The following ARRB1 variants were observed in gnomAD, a reference collection of about 807,000 sequenced individuals.
The protein encoded by ARRB1 is arrestin beta 1.
In ARRB1, 21 loss-of-function variants were observed where a neutral mutation model predicts 56.8. The ratio of observed to expected loss-of-function variants is 0.37; its 90% CI spans 0.26 to 0.53. The LOEUF is 0.53. Among genes scored for constraint, ARRB1 ranks in the 20% least tolerant of loss-of-function variants. The pLI is 0.88. For synonymous variants in ARRB1, 210 were observed against 218.6 expected (o/e 0.96, Z 0.35); for missense variants, 424 against 553.7 (o/e 0.77, Z 2.35).
At chr11:75,299,508 A>G (rs1946845573) in intron 1 of ARRB1, among the ~76,000 whole-genome samples, 1 of 151,396 alleles carries the variant, frequency 6.6e-6, no homozygotes. Context: ...GAATGCTTTG[A>G]TGTAAGAGTC....
At position 75,314,520 on chromosome 11, in the gene ARRB1, A is replaced by G. The variant is rs536944684; in HGVS notation, c.21-24481T>C. ...GCAGGCCCCAGAGTGTCACTCTGGG[A>G]GTCAGGTCAGAGCAATGGTTAAGGC... On this transcript the variant is annotated intron_variant, in intron 1 of 15. Transcript: ENST00000420843. Among the ~76,000 whole-genome samples the G allele has an allele frequency of 4.8e-4, 73 of 152,296 alleles. 1 individual carries two copies. The South Asian group carries it at 0.015, about 32-fold the overall frequency.
intron 1 of ARRB1, among the ~76,000 whole-genome samples, chr11:75,334,795 C>G (rs965561952): frequency 2.0e-5 from 3 of 152,150 alleles, no homozygotes; most frequent in Middle Eastern, 3.2e-3. Context: ...TAACCTATGA[C>G]AGATCTCTGC....
chr11:75,291,067 T>C (rs1294138795), intron 1 of ARRB1, among the ~76,000 whole-genome samples: 1 of 152,228 alleles, frequency 6.6e-6, no homozygotes, highest in East Asian at 1.9e-4. Flanking sequence ...TAATAAATGA[T>C]GGGACCAGGA....
chr11:75,333,639 T>C (rs1947554079), intron 1 of ARRB1, among the ~76,000 whole-genome samples: 1 of 152,120 alleles, frequency 6.6e-6, no homozygotes. Context: ...CACAACCCTA[T>C]GGGGGTGAGG....
In ARRB1 at chr11:75,342,463, G is replaced by A. The variant is rs574823747; in HGVS notation, c.20+9125C>T. Among the ~76,000 whole-genome samples the A allele has an allele frequency of 2.6e-5, 4 of 152,346 alleles. No homozygotes were observed. In the East Asian group the frequency reaches 7.7e-4, roughly 29 times the overall value. On this transcript the variant is annotated intron_variant, in intron 1 of 15. Coordinates refer to ENST00000420843, the MANE Select transcript of ARRB1 (RefSeq NM_004041.5). ...GGGTTCTGAGTACTTGCCCAGTGGG[G>A]AGCCGATGGGGAGCTCTGTGCTCTG...
chr11:75,290,461 CCA>C (rs753404295), intron 1 of ARRB1, among the ~76,000 whole-genome samples: 12 of 152,196 alleles, frequency 7.9e-5, no homozygotes, highest in Non-Finnish European at 1.0e-4. Context: ...AGGGCGATTC[CCA>C]CCTCGGGGAC....
In ARRB1 at chr11:75,262,541, CTG is replaced by C. The variant is rs1945819277; in HGVS notation, c.*3620_*3621del. On this transcript the variant is annotated 3_prime_UTR_variant, in exon 16 of 16. Transcript: ENST00000420843. ...GAGGGCTCCTCCTGCAGCAAACTTT[CTG>C]TGTGACCTTGGGCCATCCCTGCAGT... 1 of 152,306 alleles carries C rather than the reference CTG, an allele frequency of 6.6e-6. No individual in the cohort carries two copies. The highest frequency in any genetic ancestry group is 1.5e-5 in the Non-Finnish European group (1 of 68,090). 9.4% of individuals were successfully genotyped at this position (152,306 alleles called of 1,614,324 possible).
At chr11:75,274,309 A>G in intron 10 of ARRB1, 98 bp from the exon 11 acceptor site, 2 of 1,523,362 alleles carry the variant, frequency 1.3e-6, no homozygotes, top group East Asian at 2.3e-5. Flanking sequence ...AGCCTGCTCC[A>G]AGTCTCCCTC....
At chr11:75,329,078 T>C (rs990860614) in intron 1 of ARRB1, among the ~76,000 whole-genome samples, 3 of 148,246 alleles carry the variant, frequency 2.0e-5, no homozygotes, top group African/African-American at 5.0e-5. Context: ...CATTCCTTCC[T>C]GCTGTGTAAC....
In ARRB1 at chr11:75,276,762, C is replaced by T. The variant is rs1369876320; in HGVS notation, c.776+77G>A. 3 of 1,476,234 alleles carry T rather than the reference C, an allele frequency of 2.0e-6. No individual in the cohort carries two copies. The Middle Eastern group carries it at 5.2e-4, about 256-fold the overall frequency. The allele number at this position is 1,476,234 out of a possible 1,614,324, so 91.4% of individuals were successfully genotyped here. ...GCCAGGTGGAGAAGAGCCACCTGGA[C>T]CTGTAACAGGACACCTAGAGCTTCT... is the stretch of plus-strand genomic sequence containing the variant. On this transcript the variant is annotated intron_variant, in intron 10 of 15. Coordinates refer to ENST00000420843, the MANE Select transcript of ARRB1 (RefSeq NM_004041.5).
At chr11:75,295,858 C>T (rs1007442134) in intron 1 of ARRB1, among the ~76,000 whole-genome samples, 8 of 152,146 alleles carry the variant, frequency 5.3e-5, no homozygotes, top group Non-Finnish European at 8.8e-5. Flanking sequence ...GGGTTCTTAC[C>T]GGCCACAGGC....
rs769597149 is a variant in ARRB1, at chr11:75,263,387, G to C, written c.*2776C>G. ...TCCCTCGAGGCTGCAGCGTATGGCC[G>C]TGCAGCAGGGCACCTCTGGCCAAGG... is the stretch of plus-strand genomic sequence containing the variant. On this transcript the variant is annotated 3_prime_UTR_variant, in exon 16 of 16. Transcript: ENST00000420843. 6.6e-6 allele frequency among the ~76,000 whole-genome samples: 1 copy of C among 152,242 alleles called. No individual in the cohort carries two copies. The highest frequency in any genetic ancestry group is 6.5e-5 in the Admixed American group (1 of 15,282).
At chr11:75,332,851 C>T (rs552333977) in intron 1 of ARRB1, among the ~76,000 whole-genome samples, 4 of 151,940 alleles carry the variant, frequency 2.6e-5, no homozygotes, top group Non-Finnish European at 4.4e-5. Context: ...GCTGAGATCG[C>T]GCCACTGCAC....
chr11:75,328,380 T>C (rs977143816), intron 1 of ARRB1, among the ~76,000 whole-genome samples: 3 of 152,248 alleles, frequency 2.0e-5, no homozygotes, highest in African/African-American at 7.2e-5. Context: ...TTCCCACTTT[T>C]TGGCTATTGT....
intron 1 of ARRB1, among the ~76,000 whole-genome samples, chr11:75,330,548 A>T (rs1947505791): frequency 6.6e-6 from 1 of 152,228 alleles, no homozygotes; most frequent in Non-Finnish European, 1.5e-5. Flanking sequence ...CTGGGTAATA[A>T]ACTCTGCCGA....
chr11:75,313,670 G>A (rs1947210535), intron 1 of ARRB1, among the ~76,000 whole-genome samples: 7 of 152,172 alleles, frequency 4.6e-5, no homozygotes, highest in Admixed American at 3.9e-4. Context: ...AGTGTTTGCC[G>A]GATTAACTGA....
At chr11:75,281,472 C>T (rs1180335582) in intron 6 of ARRB1, 1 of 421,200 alleles carries the variant, frequency 2.4e-6, no homozygotes, top group African/African-American at 2.0e-5. Flanking sequence ...GCGCCTACTA[C>T]TGTGTGCACA....
intron 1 of ARRB1, among the ~76,000 whole-genome samples, chr11:75,304,756 G>T (rs1415256331): frequency 1.3e-5 from 2 of 151,680 alleles, no homozygotes. Context: ...AGACCAAAAT[G>T]TTATGGTGCT....
Position 75,261,780 on chromosome 11 carries a change from G to A in ARRB1, c.*4383C>T, listed in dbSNP as rs1165617935. 1 of 152,262 alleles carries A rather than the reference G, an allele frequency of 6.6e-6. No individual in the cohort carries two copies. Among genetic ancestry groups the A allele is most frequent in the African/African-American group, 2.4e-5 (1 of 41,454 alleles). The allele number at this position is 152,262 out of a possible 1,614,324, so 9.4% of individuals were successfully genotyped here. On this transcript the variant is annotated 3_prime_UTR_variant, in exon 16 of 16. Transcript: ENST00000420843. ...AGAAGAGATGGAGCTGCCTGGGCCA[G>A]GAGGAAACACCAAGCCCAGTGCAGG...
Sources: allele counts gnomAD v4.1 joint callset (sites outside exome capture counted in the v4.1 genomes callset), GRCh38; gene constraint gnomAD v4.1.1; transcripts MANE v1.5; gene names NCBI Gene and HGNC (gene_info 2026-07-23, HGNC 2026-07-21).